Variants in L3MBTL4 observed in about 807,000 individuals in gnomAD.
L3MBTL4 encodes the protein L3MBTL histone methyl-lysine binding protein 4.
A neutral mutation model predicts 84.5 loss-of-function variants in L3MBTL4; 70 were observed. The observed-to-expected ratio is 0.83, with a 90% CI of 0.68 to 1.01. L3MBTL4 has a LOEUF of 1.01. Ranked by LOEUF, L3MBTL4 falls within the 50% of genes least tolerant of loss-of-function variation. The pLI, the probability that L3MBTL4 is intolerant of heterozygous loss-of-function variation, is 0.00. For synonymous variants in L3MBTL4, 274 were observed against 259.8 expected (o/e 1.05, Z -0.52); for missense variants, 715 against 754.8 (o/e 0.95, Z 0.62).
At chr18:6,114,663 C>A (rs750147516) in intron 14 of L3MBTL4, among the ~76,000 whole-genome samples, 2 of 152,210 alleles carry the variant, frequency 1.3e-5, no homozygotes, top group African/African-American at 2.4e-5. Flanking sequence ...TGCTCAATAT[C>A]TGCCATTTGA....
At position 6,299,106 on chromosome 18, in the gene L3MBTL4, A is replaced by G. The variant is rs558346319; in HGVS notation, c.127+2797T>C. On this transcript the variant is annotated intron_variant, in intron 4 of 18. Coordinates refer to ENST00000317931, the MANE Select transcript of L3MBTL4 (RefSeq NM_001330559.2). ...TACTAATTCTAAAATTTAATCACAC[A>G]CAGTCATTAAGAAGTAATACTTACT... Among the ~76,000 whole-genome samples, 3 of 152,354 alleles carry G rather than the reference A, an allele frequency of 2.0e-5. No homozygotes were observed. In the South Asian group the frequency reaches 6.2e-4, roughly 32 times the overall value.
chr18:6,014,919 C>T (rs1294769659), intron 16 of L3MBTL4, among the ~76,000 whole-genome samples: 1 of 151,872 alleles, frequency 6.6e-6, no homozygotes, highest in Non-Finnish European at 1.5e-5. Flanking sequence ...TTGTAGAAAT[C>T]AAGTGAGAAA....
chr18:6,389,666 A>G (rs341210), intron 1 of L3MBTL4, among the ~76,000 whole-genome samples: 76,946 of 151,988 alleles, frequency 0.51, 19,543 homozygotes, highest in East Asian at 0.59. Context: ...TACATCAGAC[A>G]AAACAAACTT....
At chr18:6,357,676 T>C (rs1231595704) in intron 1 of L3MBTL4, among the ~76,000 whole-genome samples, 2 of 152,008 alleles carry the variant, frequency 1.3e-5, no homozygotes, top group African/African-American at 4.8e-5. Context: ...ATCAAGACTT[T>C]TGAAAAAAAA....
At chr18:6,138,169 A>G (rs768590569) in intron 14 of L3MBTL4, 25 bp downstream of exon 14, 1 of 1,497,034 alleles carries the variant, frequency 6.7e-7, no homozygotes, top group East Asian at 2.3e-5. Flanking sequence ...CATCCAGGAA[A>G]TAACTTAAAT....
At chr18:6,240,765 A>T (rs2047417240) in intron 8 of L3MBTL4, among the ~76,000 whole-genome samples, 1 of 152,238 alleles carries the variant, frequency 6.6e-6, no homozygotes, top group Non-Finnish European at 1.5e-5. Flanking sequence ...TCAAGATCAC[A>T]GAAGTGATGT....
At chr18:6,147,754 T>C (rs1364285074) in intron 13 of L3MBTL4, among the ~76,000 whole-genome samples, 1 of 152,208 alleles carries the variant, frequency 6.6e-6, no homozygotes, top group Non-Finnish European at 1.5e-5. Context: ...AGATCTGACA[T>C]AGCTTCAGAG....
At chr18:6,133,333 T>TCACACA (rs71699994) in intron 14 of L3MBTL4, among the ~76,000 whole-genome samples, 2,163 of 146,776 alleles carry the variant, frequency 0.015, 49 homozygotes, top group African/African-American at 0.051. Flanking sequence ...CAGCTCTAGA[T>TCACACA]CACACACACA....
intron 16 of L3MBTL4, among the ~76,000 whole-genome samples, chr18:6,069,031 T>C (rs1435018348): frequency 6.6e-6 from 1 of 152,222 alleles, no homozygotes; most frequent in Non-Finnish European, 1.5e-5. Context: ...TGCTGGGGAA[T>C]GTCTGCAAGG....
chr18:5,966,928 G>A (rs572308787), intron 17 of L3MBTL4, among the ~76,000 whole-genome samples: 1 of 152,232 alleles, frequency 6.6e-6, no homozygotes, highest in Non-Finnish European at 1.5e-5. Flanking sequence ...GCTACTGCCT[G>A]TGCCTTTGAA....
At chr18:6,145,009 T>C (rs2042587767) in intron 13 of L3MBTL4, among the ~76,000 whole-genome samples, 1 of 152,218 alleles carries the variant, frequency 6.6e-6, no homozygotes, top group Non-Finnish European at 1.5e-5. Flanking sequence ...CTCTATGGTT[T>C]AATTTTTGTG....
chr18:6,021,225 G>A (rs1254940290), intron 16 of L3MBTL4, among the ~76,000 whole-genome samples: 3 of 152,240 alleles, frequency 2.0e-5, no homozygotes, highest in African/African-American at 7.2e-5. Flanking sequence ...GGATAGAGGA[G>A]CTAGCCTGCT....
chr18:5,987,615 T>A (rs2053521655), intron 16 of L3MBTL4, among the ~76,000 whole-genome samples: 1 of 152,244 alleles, frequency 6.6e-6, no homozygotes, highest in South Asian at 2.1e-4. Flanking sequence ...TTATCATAAA[T>A]CACATTCTTT....
chr18:6,252,072 G>A (rs1025867625), intron 5 of L3MBTL4, among the ~76,000 whole-genome samples: 2 of 152,234 alleles, frequency 1.3e-5, no homozygotes, highest in Non-Finnish European at 2.9e-5. Flanking sequence ...AGCACTTTGG[G>A]AGGCCAAGGT....
intron 16 of L3MBTL4, among the ~76,000 whole-genome samples, chr18:6,071,691 AAG>A (rs1319733893): frequency 1.0e-5 from 1 of 98,558 alleles, no homozygotes; most frequent in African/African-American, 7.7e-5. Context: ...GAGAGAAAGA[AAG>A]AAAGAAAGAA....
intron 16 of L3MBTL4, among the ~76,000 whole-genome samples, chr18:6,025,391 G>A (rs1057269539): frequency 2.0e-5 from 3 of 152,142 alleles, no homozygotes; most frequent in Admixed American, 6.5e-5. Context: ...TGAAAACCAA[G>A]GTTCATCTCA....
intron 14 of L3MBTL4, among the ~76,000 whole-genome samples, chr18:6,094,552 C>T (rs1165876059): frequency 6.6e-6 from 1 of 152,176 alleles, no homozygotes; most frequent in East Asian, 1.9e-4. Flanking sequence ...TGGCCAAATA[C>T]ATCAATATCG....
At position 6,149,961 on chromosome 18, in the gene L3MBTL4, T is replaced by C. The variant is rs919083387; in HGVS notation, c.1097-11665A>G. Among the ~76,000 whole-genome samples, 11 of 152,246 alleles carry C rather than the reference T, an allele frequency of 7.2e-5. No individual in the cohort carries two copies. In the East Asian group the frequency reaches 2.1e-3, roughly 29 times the overall value. ...GGATGATAACGTGTATACTCCTAAG[T>C]CCTAGGATTGTACTTATTCATGTAA... On this transcript the variant is annotated intron_variant, in intron 13 of 18. Coordinates refer to ENST00000317931, the MANE Select transcript of L3MBTL4 (RefSeq NM_001330559.2).
intron 13 of L3MBTL4, among the ~76,000 whole-genome samples, chr18:6,163,920 C>A (rs1372497005): frequency 6.6e-6 from 1 of 152,176 alleles, no homozygotes; most frequent in Non-Finnish European, 1.5e-5. Flanking sequence ...TCAGGGAATT[C>A]CCTTTCCTAG....
Sources: allele counts gnomAD v4.1 joint callset (sites outside exome capture counted in the v4.1 genomes callset), GRCh38; gene constraint gnomAD v4.1.1; transcripts MANE v1.5; gene names NCBI Gene and HGNC (gene_info 2026-07-23, HGNC 2026-07-21).